MRTFB: variants seen among roughly 807,000 people sequenced by gnomAD.
MRTFB encodes the protein myocardin-related transcription factor B.
A neutral mutation model predicts 104.2 loss-of-function variants in MRTFB; 29 were observed. The ratio of observed to expected loss-of-function variants is 0.28; its 90% CI spans 0.21 to 0.38. The LOEUF is 0.38. Ranked by LOEUF, MRTFB falls within the 10% of genes least tolerant of loss-of-function variation. MRTFB has a pLI of 1.00. For synonymous variants in MRTFB, 535 were observed against 519.5 expected (o/e 1.03, Z -0.41); for missense variants, 1,270 against 1,341.6 (o/e 0.95, Z 0.83).
chr16:14,100,790 G>A (rs1292178840), intron 2 of MRTFB, among the ~76,000 whole-genome samples: 1 of 152,178 alleles, frequency 6.6e-6, no homozygotes, highest in Non-Finnish European at 1.5e-5. Flanking sequence ...TTCTTCTTGA[G>A]TGAGTTTAGT....
chr16:14,259,363 C>A (rs1160454251), intron 16 of MRTFB, among the ~76,000 whole-genome samples: 1 of 152,122 alleles, frequency 6.6e-6, no homozygotes, highest in Non-Finnish European at 1.5e-5. Flanking sequence ...AAGCTATTTT[C>A]TAAAATGAGA....
At chr16:14,204,694 G>A (rs2040864055) in intron 3 of MRTFB, among the ~76,000 whole-genome samples, 1 of 152,140 alleles carries the variant, frequency 6.6e-6, no homozygotes, top group South Asian at 2.1e-4. Flanking sequence ...TTAGCCCTAA[G>A]AGATGAAAGA....
intron 16 of MRTFB, among the ~76,000 whole-genome samples, chr16:14,258,860 G>C (rs917565206): frequency 2.6e-5 from 4 of 152,054 alleles, no homozygotes; most frequent in African/African-American, 9.7e-5. Context: ...GCCACAAAAA[G>C]AATCAAGGAT....
At chr16:14,013,266 T>C in the MRTFB span, 12 of 152,352 alleles carry the variant, frequency 7.9e-5, no homozygotes, top group African/African-American at 2.9e-4. Context: ...TGTGTCTTCA[T>C]GGATTGTGCA....
Position 14,140,436 on chromosome 16 carries a change from A to G in MRTFB, c.-63-108A>G, listed in dbSNP as rs1255543870. On this transcript the variant is annotated intron_variant, in intron 2 of 16. Transcript: ENST00000571589. ...AGAGGGTAAATGGATTAGTATGACC[A>G]TACAGCAGTAAAACTGGACTAGAAC... 2.4e-5 allele frequency: 17 copies of G among 715,808 alleles called. 1 individual carries two copies. The East Asian group carries it at 3.3e-4, about 14-fold the overall frequency. The allele number at this position is 715,808 out of a possible 1,614,324, so 44.3% of individuals were successfully genotyped here.
intron 15 of MRTFB, among the ~76,000 whole-genome samples, chr16:14,253,133 G>A (rs1293595625): frequency 6.6e-6 from 1 of 152,196 alleles, no homozygotes; most frequent in African/African-American, 2.4e-5. Context: ...AGCAATGGAA[G>A]AAGTTAGGGT....
rs191992224 is a variant in MRTFB, at chr16:14,255,727, G to C, written c.2704-2374G>C. ...GTAGGATCTCTATGTTTTATTCAGT[G>C]TACAACATTAAGTAGCCTATGAGAA... On this transcript the variant is annotated intron_variant, in intron 15 of 16. Coordinates refer to ENST00000571589, the MANE Select transcript of MRTFB (RefSeq NM_001308142.2). Among the ~76,000 whole-genome samples, 51 of 152,004 alleles carry C rather than the reference G, an allele frequency of 3.4e-4. No homozygotes were observed. The East Asian group carries it at 9.6e-3, about 29-fold the overall frequency.
chr16:14,151,312 A>G (rs1289883474), intron 3 of MRTFB: 1 of 152,224 alleles, frequency 6.6e-6, no homozygotes, highest in Admixed American at 6.5e-5. Context: ...CATTCACAAC[A>G]TACCTAACTT....
chr16:14,100,067 T>C (rs905587955), intron 2 of MRTFB, among the ~76,000 whole-genome samples: 2 of 152,244 alleles, frequency 1.3e-5, no homozygotes, highest in Non-Finnish European at 2.9e-5. Flanking sequence ...CTTCTTCCTT[T>C]CTAATCTGAG....
chr16:14,094,590 TA>T (rs2035257765), intron 2 of MRTFB, among the ~76,000 whole-genome samples: 1 of 152,230 alleles, frequency 6.6e-6, no homozygotes, highest in African/African-American at 2.4e-5. Context: ...GCTATTCACC[TA>T]GTTCTTCTTC....
Position 14,121,221 on chromosome 16 carries a change from T to C in MRTFB, c.-63-19323T>C, listed in dbSNP as rs1344496184. ...AATATGGCTTTTTTTTTTTTTACAT[T>C]GAGCTTTAGGCTTATTTTTTCCCCT... is the stretch of plus-strand genomic sequence containing the variant. On this transcript the variant is annotated intron_variant, in intron 2 of 16. Coordinates refer to ENST00000571589, the MANE Select transcript of MRTFB (RefSeq NM_001308142.2). Among the ~76,000 whole-genome samples, 3 of 151,502 alleles carry C rather than the reference T, an allele frequency of 2.0e-5. No homozygotes were observed. The East Asian group carries it at 5.8e-4, about 29-fold the overall frequency.
intron 11 of MRTFB, among the ~76,000 whole-genome samples, chr16:14,245,865 T>C (rs2151397021): frequency 6.6e-6 from 1 of 152,364 alleles, no homozygotes; most frequent in East Asian, 1.9e-4. Flanking sequence ...ACTGAGTGTG[T>C]ACCTTGTGCA....
At chr16:14,017,738 A>C in the MRTFB span, among the ~76,000 whole-genome samples, 1 of 56,290 alleles carries the variant, frequency 1.8e-5, no homozygotes. Context: ...TTTTTTTGAG[A>C]CAGGGTCTCT....
the MRTFB span, among the ~76,000 whole-genome samples, chr16:14,056,474 A>G: frequency 6.6e-6 from 1 of 152,162 alleles, no homozygotes; most frequent in Non-Finnish European, 1.5e-5. Flanking sequence ...GAGGAGCTCT[A>G]CATCCTTCCA....
chr16:14,226,552 A>C (rs1472854844), intron 8 of MRTFB, among the ~76,000 whole-genome samples: 1 of 152,244 alleles, frequency 6.6e-6, no homozygotes. Flanking sequence ...AAAGATCTAA[A>C]TATAATAACT....
chr16:14,210,596 A>G (rs2041151525), intron 4 of MRTFB, among the ~76,000 whole-genome samples: 1 of 152,220 alleles, frequency 6.6e-6, no homozygotes, highest in African/African-American at 2.4e-5. Context: ...TATTTGTTTT[A>G]GTTTTGAAAT....
chr16:14,043,611 A>T, the MRTFB span, among the ~76,000 whole-genome samples: 9 of 152,244 alleles, frequency 5.9e-5, no homozygotes, highest in Non-Finnish European at 1.2e-4. Context: ...AAAGAAAGAT[A>T]TAGAAACAAG....
chr16:14,002,238 T>C, the MRTFB span, among the ~76,000 whole-genome samples: 4 of 151,860 alleles, frequency 2.6e-5, no homozygotes, highest in Non-Finnish European at 5.9e-5. Flanking sequence ...CCAAAATTAA[T>C]TGGCCAAAGT....
intron 2 of MRTFB, among the ~76,000 whole-genome samples, chr16:14,080,766 C>A (rs1272810370): frequency 6.6e-6 from 1 of 152,114 alleles, no homozygotes; most frequent in Non-Finnish European, 1.5e-5. Flanking sequence ...ATTTGTCTTT[C>A]TGTGTCAGGC....
Sources: allele counts gnomAD v4.1 joint callset (sites outside exome capture counted in the v4.1 genomes callset), GRCh38; gene constraint gnomAD v4.1.1; transcripts MANE v1.5; gene names NCBI Gene and HGNC (gene_info 2026-07-23, HGNC 2026-07-21).